The following LRP1B variants were observed in gnomAD, a reference collection of about 807,000 sequenced individuals.
LRP1B encodes low-density lipoprotein receptor-related protein 1B.
A neutral mutation model predicts 556.6 loss-of-function variants in LRP1B; 217 were observed. The observed-to-expected ratio is 0.39, with a 90% CI of 0.35 to 0.44. The LOEUF is 0.44. Among genes scored for constraint, LRP1B ranks in the 20% least tolerant of loss-of-function variants. LRP1B has a pLI of 1.00. For missense variants in LRP1B, 5,053 were observed against 5,620.8 expected, an observed-to-expected ratio of 0.90 and a Z score of 3.23; for synonymous variants, 2,047 against 1,865.8, an observed-to-expected ratio of 1.10 and a Z score of -2.50.
intron 33 of LRP1B, among the ~76,000 whole-genome samples, chr2:140,771,392 T>C (rs1482097923): frequency 2.0e-5 from 3 of 152,172 alleles, no homozygotes; most frequent in Non-Finnish European, 2.9e-5. Context: ...TATCCAAATG[T>C]GTCACATAAA....
chr2:141,494,108 C>T lies in LRP1B; in HGVS notation c.206-13575G>A, dbSNP rs533632434. Among the ~76,000 whole-genome samples the T allele has an allele frequency of 3.9e-5, 6 of 152,286 alleles. No homozygotes were observed. The South Asian group carries it at 1.2e-3, about 32-fold the overall frequency. On this transcript the variant is annotated intron_variant, in intron 2 of 90. Transcript: ENST00000389484. ...AGTTGCTACGTCTTCCTGGTGAAGA[C>T]CTGCTAGTTCTGCCACTTGGCACAG...
chr2:141,580,083 G>T (rs1024598544), intron 2 of LRP1B, among the ~76,000 whole-genome samples: 2 of 152,070 alleles, frequency 1.3e-5, no homozygotes, highest in African/African-American at 2.4e-5. Context: ...CTGGCTTTGA[G>T]CACTGGTATT....
intron 1 of LRP1B, among the ~76,000 whole-genome samples, chr2:142,089,534 C>T (rs1706079901): frequency 1.3e-5 from 2 of 152,106 alleles, no homozygotes; most frequent in Non-Finnish European, 2.9e-5. Context: ...CACAAACAGG[C>T]CAGGTCTTAC....
At chr2:140,748,827 T>TAATATATATTATATA (rs369730510) in intron 35 of LRP1B, among the ~76,000 whole-genome samples, 1 of 80,026 alleles carries the variant, frequency 1.2e-5, no homozygotes, top group African/African-American at 4.9e-5. Context: ...ATAATATATA[T>TAATATATATTATATA]CATATATTAT....
intron 41 of LRP1B, among the ~76,000 whole-genome samples, chr2:140,679,188 T>G: frequency 6.6e-6 from 1 of 152,202 alleles, no homozygotes; most frequent in East Asian, 1.9e-4. Context: ...ATACTAGTCA[T>G]ATTAGATTAG....
At chr2:141,219,569 C>T (rs1682951109) in intron 6 of LRP1B, among the ~76,000 whole-genome samples, 2 of 152,204 alleles carry the variant, frequency 1.3e-5, no homozygotes, top group Admixed American at 6.5e-5. Context: ...CAAACCTGCT[C>T]AGACAAGGGG....
intron 43 of LRP1B, among the ~76,000 whole-genome samples, chr2:140,555,337 C>T (rs1680694493): frequency 6.6e-6 from 1 of 151,558 alleles, no homozygotes. Context: ...GTATGAATAA[C>T]AAGGAAAGGC....
chr2:141,802,677 T>C (rs909352855), intron 2 of LRP1B, among the ~76,000 whole-genome samples: 1 of 152,118 alleles, frequency 6.6e-6, no homozygotes, highest in Non-Finnish European at 1.5e-5. Context: ...CGACATCCTT[T>C]AGTGCTTCAT....
chr2:140,675,122 A>T (rs1441464), intron 41 of LRP1B, among the ~76,000 whole-genome samples: 4,684 of 152,308 alleles, frequency 0.031, 216 homozygotes, highest in African/African-American at 0.096. Flanking sequence ...TCTCCTTGTT[A>T]TAGGAAACTT....
chr2:141,655,369 T>C (rs207462486), intron 2 of LRP1B, among the ~76,000 whole-genome samples: 1 of 152,126 alleles, frequency 6.6e-6, no homozygotes, highest in Admixed American at 6.6e-5. Context: ...TGTATTTGAG[T>C]TATAGAGCCC....
At chr2:140,695,014 A>G (rs1432828200) in intron 41 of LRP1B, among the ~76,000 whole-genome samples, 2 of 149,310 alleles carry the variant, frequency 1.3e-5, no homozygotes, top group Non-Finnish European at 3.0e-5. Flanking sequence ...TGCTTCTTTG[A>G]TGAACCCCAA....
At chr2:140,459,527 G>A (rs1487527065) in intron 60 of LRP1B, among the ~76,000 whole-genome samples, 1 of 152,144 alleles carries the variant, frequency 6.6e-6, no homozygotes, top group Non-Finnish European at 1.5e-5. Flanking sequence ...TAAAGTTATT[G>A]TAAGAATCTG....
intron 37 of LRP1B, among the ~76,000 whole-genome samples, chr2:140,705,434 G>T (rs1686795075): frequency 6.8e-6 from 1 of 146,042 alleles, no homozygotes; most frequent in South Asian, 2.2e-4. Flanking sequence ...TGAGGCAGGA[G>T]AATCACTGGA....
intron 2 of LRP1B, among the ~76,000 whole-genome samples, chr2:141,482,126 T>A (rs2105093312): frequency 6.6e-6 from 1 of 152,060 alleles, no homozygotes; most frequent in African/African-American, 2.4e-5. Context: ...TGTGATAAAA[T>A]TAGAAAACAA....
At chr2:142,049,523 G>C (rs1449502) in intron 1 of LRP1B, among the ~76,000 whole-genome samples, 130,959 of 152,094 alleles carry the variant, frequency 0.86, 57,063 homozygotes, top group East Asian at 0.98. Flanking sequence ...ATGAAAGTAT[G>C]TGCCAATACT....
intron 7 of LRP1B, among the ~76,000 whole-genome samples, chr2:141,106,914 A>G (rs1700617867): frequency 6.6e-6 from 1 of 152,168 alleles, no homozygotes; most frequent in African/African-American, 2.4e-5. Flanking sequence ...ATATTCCTAA[A>G]AATAATTTTA....
intron 43 of LRP1B, among the ~76,000 whole-genome samples, chr2:140,562,129 C>G (rs1033822496): frequency 3.3e-5 from 5 of 151,982 alleles, no homozygotes; most frequent in Admixed American, 3.3e-4. Context: ...TAACACAATA[C>G]CTAGTGGTGG....
At chr2:141,993,823 C>A (rs994596298) in intron 1 of LRP1B, among the ~76,000 whole-genome samples, 8 of 152,004 alleles carry the variant, frequency 5.3e-5, no homozygotes, top group Non-Finnish European at 1.0e-4. Context: ...TTTAAAATGG[C>A]AATGTTCACA....
chr2:140,286,431 G>T (rs1443610488), intron 84 of LRP1B, among the ~76,000 whole-genome samples: 2 of 151,752 alleles, frequency 1.3e-5, no homozygotes, highest in Non-Finnish European at 2.9e-5. Context: ...TGGACATCCA[G>T]TGCCAACATA....
Sources: gnomAD v4.1 joint callset for allele counts (sites outside exome capture counted in the v4.1 genomes callset) on GRCh38, gnomAD v4.1.1 for gene constraint, MANE v1.5 for transcripts, NCBI Gene and HGNC (gene_info 2026-07-23, HGNC 2026-07-21) for gene names.